COL6A6: variants seen among roughly 807,000 people sequenced by gnomAD.
COL6A6 encodes collagen type VI alpha 6 chain, also known as collagen alpha-6(VI) chain.
Under a neutral mutation model 208.6 loss-of-function variants are expected in COL6A6, and 183 were observed. That is an observed-to-expected ratio of 0.88 (90% CI 0.78 to 0.99). COL6A6 has a LOEUF of 0.99. COL6A6 is among the 50% of genes least tolerant of loss of function. The pLI is 0.00. For synonymous variants in COL6A6, 973 were observed against 1,011.8 expected, an observed-to-expected ratio of 0.96 and a Z score of 0.73; for missense variants, 2,816 against 2,815.2, an observed-to-expected ratio of 1.00 and a Z score of -0.01.
chr3:130,669,508 A>ATTCT (rs1464482308), intron 36 of COL6A6, among the ~76,000 whole-genome samples: 1 of 152,070 alleles, frequency 6.6e-6, no homozygotes, highest in Non-Finnish European at 1.5e-5. Context: ...AATACTTAGA[A>ATTCT]CTGTGTAACA....
intron 1 of COL6A6, among the ~76,000 whole-genome samples, chr3:130,548,938 G>C (rs1054125826): frequency 6.6e-6 from 1 of 152,150 alleles, no homozygotes; most frequent in Admixed American, 6.5e-5. Context: ...AAAAATAGTT[G>C]ATTTTTCAGT....
intron 24 of COL6A6, among the ~76,000 whole-genome samples, chr3:130,626,099 C>T (rs188881433): frequency 7.0e-4 from 107 of 152,252 alleles, no homozygotes; most frequent in Non-Finnish European, 1.0e-3. Context: ...ATCATGCTCC[C>T]TTGGTTAACT....
chr3:130,606,295 TA>T (rs2064180703), intron 20 of COL6A6, among the ~76,000 whole-genome samples: 2 of 152,232 alleles, frequency 1.3e-5, no homozygotes, highest in Non-Finnish European at 2.9e-5. Context: ...TACACTTACA[TA>T]TGACAGTGGC....
At chr3:130,664,340 C>G (rs760019767) in intron 35 of COL6A6, among the ~76,000 whole-genome samples, 1 of 152,170 alleles carries the variant, frequency 6.6e-6, no homozygotes, top group Non-Finnish European at 1.5e-5. Context: ...TGTTGGGTCA[C>G]GGTCCAGGAC....
At chr3:130,625,626 G>C (rs574615773) in intron 24 of COL6A6, among the ~76,000 whole-genome samples, 6 of 152,260 alleles carry the variant, frequency 3.9e-5, no homozygotes, top group African/African-American at 1.4e-4. Flanking sequence ...TCTCAAAATG[G>C]TCAAGGTTAT....
chr3:130,584,524 C>A (rs1233927418), intron 10 of COL6A6, among the ~76,000 whole-genome samples: 1 of 152,128 alleles, frequency 6.6e-6, no homozygotes, highest in Non-Finnish European at 1.5e-5. Context: ...ACACTAGAAC[C>A]AGGAAAGTCC....
intron 4 of COL6A6, 39 bp downstream of exon 4, chr3:130,565,653 T>G (rs2063001855): frequency 6.4e-7 from 1 of 1,550,562 alleles, no homozygotes; most frequent in Non-Finnish European, 8.7e-7. Context: ...TTTGGATTCT[T>G]TTTTTCTTCT....
Position 130,628,787 on chromosome 3 carries a change from C to A in COL6A6, c.4992+1418C>A. ...TCTACAGCTCCCTGCGTGAGCGACG[C>A]AGAAGACGGTGATTTCTGCATTTCC... On this transcript the variant is annotated intron_variant, in intron 26 of 36. Coordinates refer to ENST00000358511, the MANE Select transcript of COL6A6 (RefSeq NM_001102608.3). Among the ~76,000 whole-genome samples the A allele has an allele frequency of 9.1e-5, 6 of 65,724 alleles. No individual in the cohort carries two copies. The South Asian group carries it at 2.7e-3, about 29-fold the overall frequency. The allele number at this position is 65,724 out of a possible 152,430, so 43.1% of individuals were successfully genotyped here.
chr3:130,626,141 A>C (rs2064878260), intron 24 of COL6A6, among the ~76,000 whole-genome samples: 1 of 152,256 alleles, frequency 6.6e-6, no homozygotes, highest in South Asian at 2.1e-4. Flanking sequence ...AAACTAGATT[A>C]ATCAATCTGC....
intron 10 of COL6A6, among the ~76,000 whole-genome samples, chr3:130,584,492 G>A (rs1483157257): frequency 6.6e-6 from 1 of 152,042 alleles, no homozygotes; most frequent in African/African-American, 2.4e-5. Context: ...CTGTTTTGTT[G>A]GGAACAAGAT....
chr3:130,525,720 C>T (rs1301098169), intron 1 of COL6A6, among the ~76,000 whole-genome samples: 4 of 152,142 alleles, frequency 2.6e-5, no homozygotes, highest in Non-Finnish European at 5.9e-5. Flanking sequence ...CCATGCTCCC[C>T]TTCTCTCCCT....
chr3:130,634,352 A>T (rs2065046634), intron 26 of COL6A6, among the ~76,000 whole-genome samples: 1 of 151,926 alleles, frequency 6.6e-6, no homozygotes, highest in South Asian at 2.1e-4. Context: ...AACTCTTCAG[A>T]TGTATACTTT....
At chr3:130,654,575 C>T (rs1479609708) in intron 33 of COL6A6, among the ~76,000 whole-genome samples, 1 of 152,224 alleles carries the variant, frequency 6.6e-6, no homozygotes, top group Admixed American at 6.5e-5. Context: ...TACCCATATA[C>T]ACACATCCTA....
At chr3:130,583,863 C>T (rs560854015) in intron 10 of COL6A6, among the ~76,000 whole-genome samples, 2 of 152,288 alleles carry the variant, frequency 1.3e-5, no homozygotes, top group East Asian at 3.9e-4. Context: ...CAGGACTTCA[C>T]TTGGTGCTGG....
At chr3:130,547,416 C>T (rs567484488) in intron 1 of COL6A6, among the ~76,000 whole-genome samples, 1 of 152,376 alleles carries the variant, frequency 6.6e-6, no homozygotes, top group African/African-American at 2.4e-5. Context: ...GCACTGCACA[C>T]AGCCCTTGGT....
At chr3:130,664,200 C>T (rs190971790) in intron 35 of COL6A6, among the ~76,000 whole-genome samples, 39 of 152,310 alleles carry the variant, frequency 2.6e-4, no homozygotes, top group African/African-American at 8.9e-4. Context: ...AAACTGCTGA[C>T]AAACCATCTG....
chr3:130,554,820 G>A (rs1202345284), intron 1 of COL6A6, among the ~76,000 whole-genome samples: 1 of 152,140 alleles, frequency 6.6e-6, no homozygotes, highest in Admixed American at 6.5e-5. Context: ...GTGGGGGAGG[G>A]GAACATGTCA....
At position 130,626,557 on chromosome 3, in the gene COL6A6, T is replaced by G. The variant is rs755270007; in HGVS notation, c.4941+10T>G. 1 of 1,600,778 alleles carries G rather than the reference T, an allele frequency of 6.2e-7. No individual in the cohort carries two copies. Among genetic ancestry groups the G allele is most frequent in the Admixed American group, 1.7e-5 (1 of 59,984 alleles). On this transcript the variant is annotated intron_variant, in intron 25 of 36. Transcript: ENST00000358511. ...TCCTCGTGGCTTGCAGGTTTGTATT[T>G]TGACACTAGTTTTGATCGGATTCTT...
At chr3:130,572,583 T>G (rs2063192747) in intron 7 of COL6A6, among the ~76,000 whole-genome samples, 1 of 152,230 alleles carries the variant, frequency 6.6e-6, no homozygotes, top group Admixed American at 6.5e-5. Context: ...TACTGAAAAC[T>G]GGGACAAATC....
Sources: gnomAD v4.1 joint callset for allele counts (sites outside exome capture counted in the v4.1 genomes callset) on GRCh38, gnomAD v4.1.1 for gene constraint, MANE v1.5 for transcripts, NCBI Gene and HGNC (gene_info 2026-07-23, HGNC 2026-07-21) for gene names.